SLC35D1: variants seen among roughly 807,000 people sequenced by gnomAD.
The protein encoded by SLC35D1 is nucleotide sugar transporter SLC35D1.
SLC35D1 carries 31 observed loss-of-function variants against 46.7 expected under a neutral mutation model. That is an observed-to-expected ratio of 0.66 (90% CI 0.50 to 0.90). SLC35D1 has a LOEUF of 0.90. Ranked by LOEUF, SLC35D1 falls within the 40% of genes least tolerant of loss-of-function variation. The pLI, the probability that SLC35D1 is intolerant of heterozygous loss-of-function variation, is 0.00. For synonymous variants in SLC35D1, 195 were observed against 164.6 expected, an observed-to-expected ratio of 1.18 and a Z score of -1.41; for missense variants, 397 against 426.2, an observed-to-expected ratio of 0.93 and a Z score of 0.60.
chr1:66,983,491 C>T, the SLC35D1 span, among the ~76,000 whole-genome samples: 1 of 152,090 alleles, frequency 6.6e-6, no homozygotes, highest in Non-Finnish European at 1.5e-5. Flanking sequence ...TTCTTATCAC[C>T]AAAATTTGCA....
intron 8 of SLC35D1, among the ~76,000 whole-genome samples, chr1:67,034,764 T>C (rs542262104): frequency 1.6e-4 from 24 of 152,278 alleles, no homozygotes; most frequent in Admixed American, 1.4e-3. Context: ...GTTCTGATCT[T>C]AGAAAAAAGG....
At chr1:67,040,315 C>T (rs1205403085) in intron 8 of SLC35D1, among the ~76,000 whole-genome samples, 1 of 152,106 alleles carries the variant, frequency 6.6e-6, no homozygotes, top group South Asian at 2.1e-4. Context: ...CTTTTAAGGA[C>T]TTGTCACTAC....
At chr1:67,013,507 A>G (rs1337039027) in intron 10 of SLC35D1, among the ~76,000 whole-genome samples, 1 of 152,056 alleles carries the variant, frequency 6.6e-6, no homozygotes, top group Non-Finnish European at 1.5e-5. Context: ...GTGAGCCATG[A>G]TTGTGCCACT....
the SLC35D1 span, among the ~76,000 whole-genome samples, chr1:66,973,258 G>A: frequency 6.6e-6 from 1 of 152,058 alleles, no homozygotes; most frequent in African/African-American, 2.4e-5. Flanking sequence ...TAGTTGGGGT[G>A]TGTATGTGCA....
chr1:67,038,702 G>A (rs557350408), intron 8 of SLC35D1, among the ~76,000 whole-genome samples: 76 of 152,216 alleles, frequency 5.0e-4, no homozygotes, highest in Middle Eastern at 3.4e-3. Context: ...TTTGCATGAG[G>A]CATAGTTTAA....
the SLC35D1 span, chr1:66,973,109 A>G: frequency 1.7e-6 from 1 of 596,854 alleles, no homozygotes; most frequent in Non-Finnish European, 2.9e-6. Flanking sequence ...ATATGACAAT[A>G]TTTTGGTATT....
At chr1:66,977,062 T>G in the SLC35D1 span, among the ~76,000 whole-genome samples, 1 of 152,134 alleles carries the variant, frequency 6.6e-6, no homozygotes. Context: ...TGAAAGCATG[T>G]TTTTCTTAAA....
chr1:67,014,675 T>TTTC (rs1667644016), intron 10 of SLC35D1, among the ~76,000 whole-genome samples: 1 of 144,056 alleles, frequency 6.9e-6, no homozygotes, highest in African/African-American at 2.6e-5. Context: ...TTTTAGTTTT[T>TTTC]TTTTTTTTTT....
intron 10 of SLC35D1, among the ~76,000 whole-genome samples, chr1:67,014,669 A>ATTTT (rs1667642143): frequency 4.0e-5 from 2 of 50,510 alleles, no homozygotes; most frequent in Admixed American, 2.6e-4. Context: ...TTCAATTTTT[A>ATTTT]GTTTTTTTTT....
At chr1:67,025,795 T>G (rs1484092712) in intron 8 of SLC35D1, among the ~76,000 whole-genome samples, 1 of 152,226 alleles carries the variant, frequency 6.6e-6, no homozygotes. Context: ...ATCCCCCAAG[T>G]ACTTTATAAT....
chr1:67,053,821 T>G lies in SLC35D1; in HGVS notation c.193A>C (p.Thr65Pro), dbSNP rs267607062. 6.2e-7 allele frequency: 1 copy of G among 1,609,932 alleles called. No homozygotes were observed. The highest frequency in any genetic ancestry group is 8.5e-7 in the Non-Finnish European group (1 of 1,178,186). ...CCGCCTCGGCCCTACCTGTAATTGG[T>G]GAGCACGCTCTTATTCACCACCACG... The part of the protein sequence containing the change: ...LIVVVNKSVL[T>P]NYRFPSSLCV... Residue 65 changes from threonine to proline, a missense_variant, in exon 1 of 12, where the codon ACC becomes CCC. Physicochemically the swap from Thr to Pro is conservative, Grantham distance 38. Transcript: ENST00000235345.
At chr1:67,030,750 C>CCAGG (rs1381814268) in intron 8 of SLC35D1, among the ~76,000 whole-genome samples, 1 of 152,116 alleles carries the variant, frequency 6.6e-6, no homozygotes, top group Non-Finnish European at 1.5e-5. Flanking sequence ...GTCCCATGTG[C>CCAGG]CAGGCCCCAG....
At chr1:66,995,144 C>G (rs80002042), downstream of SLC35D1, among the ~76,000 whole-genome samples, 1 of 152,076 alleles carries the variant, frequency 6.6e-6, no homozygotes, top group Non-Finnish European at 1.5e-5. Flanking sequence ...CAGTCATCCA[C>G]GCAGCAATCC....
chr1:67,053,783 G>T (rs1308445781), intron 1 of SLC35D1, 28 bp downstream of exon 1: 1 of 1,539,654 alleles, frequency 6.5e-7, no homozygotes, highest in Non-Finnish European at 8.7e-7. Flanking sequence ...CTCCTCCGCG[G>T]CCTGGGCCGC....
intron 8 of SLC35D1, among the ~76,000 whole-genome samples, chr1:67,028,190 G>A (rs1166617910): frequency 6.6e-6 from 1 of 152,042 alleles, no homozygotes; most frequent in Non-Finnish European, 1.5e-5. Flanking sequence ...TATTGTTCTG[G>A]TCAGGGAATA....
Position 67,002,969 on chromosome 1 carries a change from A to T in SLC35D1, c.*1371T>A, listed in dbSNP as rs374296092. 10 of 152,506 alleles carry T rather than the reference A, an allele frequency of 6.6e-5. No individual in the cohort carries two copies. The highest frequency in any genetic ancestry group is 2.4e-4 in the African/African-American group (10 of 41,576). The allele number at this position is 152,506 out of a possible 1,614,324, so 9.4% of individuals were successfully genotyped here. On this transcript the variant is annotated 3_prime_UTR_variant, in exon 12 of 12. Coordinates refer to ENST00000235345, the MANE Select transcript of SLC35D1 (RefSeq NM_015139.3). ...GATTACCCCAAGAGGCAATTTAGGCAGTGCCCATTCACAGCTGCTCTCCCA... is the reference window on the plus strand; with the variant it reads ...GATTACCCCAAGAGGCAATTTAGGCTGTGCCCATTCACAGCTGCTCTCCCA...
At chr1:67,016,421 A>G (rs2815352) in intron 10 of SLC35D1, among the ~76,000 whole-genome samples, 117,774 of 151,882 alleles carry the variant, frequency 0.78, 45,937 homozygotes, top group South Asian at 0.88. Flanking sequence ...TAGGTTTCTG[A>G]TAACTTTATT....
At chr1:67,052,443 C>T (rs910998539) in intron 3 of SLC35D1, among the ~76,000 whole-genome samples, 1 of 152,004 alleles carries the variant, frequency 6.6e-6, no homozygotes, top group Admixed American at 6.6e-5. Context: ...CAGAGGCAGA[C>T]AGTATAAAAT....
At chr1:67,006,040 G>A (rs2102229791) in intron 11 of SLC35D1, among the ~76,000 whole-genome samples, 1 of 152,114 alleles carries the variant, frequency 6.6e-6, no homozygotes, top group Non-Finnish European at 1.5e-5. Flanking sequence ...GTGGAAAATG[G>A]GGTCTCGCTA....
Sources: gnomAD v4.1 joint callset for allele counts (sites outside exome capture counted in the v4.1 genomes callset) on GRCh38, gnomAD v4.1.1 for gene constraint, MANE v1.5 for transcripts, NCBI Gene and HGNC (gene_info 2026-07-23, HGNC 2026-07-21) for gene names.